Variants in IST1 observed in about 807,000 individuals in gnomAD.
IST1 encodes IST1 homolog.
A neutral mutation model predicts 37.0 loss-of-function variants in IST1; 23 were observed. That is an observed-to-expected ratio of 0.62 (90% CI 0.45 to 0.88). The LOEUF is 0.88. IST1 is among the 40% of genes least tolerant of loss of function. IST1 has a pLI of 0.00. For missense variants in IST1, 488 were observed against 445.4 expected, an observed-to-expected ratio of 1.10 and a Z score of -0.86; for synonymous variants, 180 against 161.7, an observed-to-expected ratio of 1.11 and a Z score of -0.86.
Position 71,920,793 on chromosome 16 carries a change from A to C in IST1, c.412A>C (p.Thr138Pro). 1 of 1,613,692 alleles carries C rather than the reference A, an allele frequency of 6.2e-7. No homozygotes were observed. The highest frequency in any genetic ancestry group is 8.5e-7 in the Non-Finnish European group (1 of 1,179,574). The change falls in exon 5 of 10, where the codon ACC becomes CCC. Residue 138 changes from threonine (T) to proline (P), a missense_variant. Physicochemically the swap from Thr to Pro is conservative, Grantham distance 38 (BLOSUM62 -1). Transcript: ENST00000378799. Reference protein sequence around the residue: ...YSKEYGKLCRTNQIGTVNDRL... With the variant: ...YSKEYGKLCRPNQIGTVNDRL... ...CAAGGAATATGGCAAGCTATGTAGG[A>C]CCAACCAGATTGGAACTGTGAATGA...
intron 1 of IST1, among the ~76,000 whole-genome samples, chr16:71,895,873 C>G (rs1482812898): frequency 6.6e-6 from 1 of 152,240 alleles, no homozygotes; most frequent in Non-Finnish European, 1.5e-5. Flanking sequence ...TAACTTTCCC[C>G]TAGTCTTCCT....
At chr16:71,922,434 G>A (rs2037616580) in intron 6 of IST1, 40 bp from the exon 7 acceptor site, 1 of 1,565,852 alleles carries the variant, frequency 6.4e-7, no homozygotes, top group Admixed American at 1.7e-5. Flanking sequence ...ACCTGGCCTT[G>A]GACATGGGTT....
Position 71,920,796 on chromosome 16 carries a change from A to G in IST1, c.415A>G (p.Asn139Asp). The change falls in exon 5 of 10, where the codon AAC (asparagine) becomes GAC (aspartate). Residue 139 changes from asparagine (N) to aspartate (D), a missense_variant. By Grantham distance (23) the Asn-to-Asp change is conservative (BLOSUM62 1). This residue lies in a region of IST1 where 455 missense variants were observed against 386.2 expected (regional missense o/e 1.18). Transcript: ENST00000378799. The part of the protein sequence containing the change: ...SKEYGKLCRT[N>D]QIGTVNDRLM... ...GGAATATGGCAAGCTATGTAGGACC[A>G]ACCAGATTGGAACTGTGAATGACAG... is the stretch of plus-strand genomic sequence containing the variant. 1 of 1,613,530 alleles carries G rather than the reference A, an allele frequency of 6.2e-7. No homozygotes were observed. Among genetic ancestry groups the G allele is most frequent in the Admixed American group, 1.7e-5 (1 of 60,028 alleles).
intron 1 of IST1, among the ~76,000 whole-genome samples, chr16:71,906,471 C>G (rs1198266089): frequency 1.3e-5 from 2 of 151,544 alleles, no homozygotes; most frequent in African/African-American, 2.4e-5. Context: ...CCACGCCCAG[C>G]TAATTTTTTG....
chr16:71,920,837 T>G lies in IST1; in HGVS notation c.441+15T>G. 6.3e-7 allele frequency: 1 copy of G among 1,579,012 alleles called. No individual in the cohort carries two copies. Among genetic ancestry groups the G allele is most frequent in the Non-Finnish European group, 8.7e-7 (1 of 1,147,936 alleles). ...TGAATGACAGGGTAATGAACATACT[T>G]GGTAAACATGAAGGCAGTGTGTGGG... On this transcript the variant is annotated intron_variant, in intron 5 of 9. Coordinates refer to ENST00000378799, the MANE Select transcript of IST1 (RefSeq NM_001270975.2).
chr16:71,922,076 C>T (rs2037603594), intron 6 of IST1, among the ~76,000 whole-genome samples: 1 of 151,954 alleles, frequency 6.6e-6, no homozygotes, highest in Non-Finnish European at 1.5e-5. Context: ...GGTGGAAGAG[C>T]TTGTGGTGAG....
chr16:71,920,471 TCTATAA>T (rs2037554540), intron 4 of IST1, among the ~76,000 whole-genome samples: 1 of 152,248 alleles, frequency 6.6e-6, no homozygotes, highest in African/African-American at 2.4e-5. Flanking sequence ...AATGTAAGAC[TCTATAA>T]GAGTAAGAAC....
chr16:71,899,361 T>C (rs528846735), intron 1 of IST1, among the ~76,000 whole-genome samples: 6 of 148,666 alleles, frequency 4.0e-5, no homozygotes, highest in Non-Finnish European at 9.0e-5. Context: ...GGAGGATTGC[T>C]GAGCCCAAGA....
chr16:71,922,426 C>A, intron 6 of IST1, 48 bp from the exon 7 acceptor site: 2 of 1,520,284 alleles, frequency 1.3e-6, no homozygotes, highest in Non-Finnish European at 1.8e-6. Flanking sequence ...TCTGGGGAAC[C>A]TGGCCTTGGA....
chr16:71,903,581 AT>A (rs2037156352), intron 1 of IST1: 1 of 152,138 alleles, frequency 6.6e-6, no homozygotes, highest in Non-Finnish European at 1.5e-5. Context: ...TTCTTTAAAA[AT>A]TTAATAGAGA....
Position 71,917,094 on chromosome 16 carries a change from C to T in IST1, c.317C>T (p.Ala106Val), listed in dbSNP as rs1185958270. The T allele has an allele frequency of 2.0e-5, 33 of 1,612,694 alleles. No homozygotes were observed. Among genetic ancestry groups the T allele is most frequent in the Non-Finnish European group, 2.8e-5 (33 of 1,179,262 alleles). The change falls in exon 4 of 10, where the codon GCT becomes GTT. Residue 106 changes from alanine (A) to valine (V), a missense_variant. Ala to Val is a moderately conservative substitution (Grantham distance 64, BLOSUM62 0). This residue lies in a region of IST1 where 455 missense variants were observed against 386.2 expected (regional missense o/e 1.18). Transcript: ENST00000378799. ...LAESVSTLIWAAPRLQSEVAE... is the reference protein window; with the variant it reads ...LAESVSTLIWVAPRLQSEVAE... ...GAATCTGTGTCTACATTGATCTGGGCTGCTCCTCGACTCCAGTCAGAAGTG... is the reference window on the plus strand; with the variant it reads ...GAATCTGTGTCTACATTGATCTGGGTTGCTCCTCGACTCCAGTCAGAAGTG...
At chr16:71,911,358 T>TTA (rs1555509659) in intron 1 of IST1, among the ~76,000 whole-genome samples, 14 of 151,528 alleles carry the variant, frequency 9.2e-5, no homozygotes, top group Non-Finnish European at 1.6e-4. Context: ...TACCTTTTTT[T>TTA]AAAAAAAACT....
chr16:71,916,696 T>A, intron 3 of IST1, 54 bp downstream of exon 3: 2 of 1,450,716 alleles, frequency 1.4e-6, no homozygotes, highest in Non-Finnish European at 9.5e-7. Flanking sequence ...GAGAAAGGAG[T>A]AATATGATCT....
At position 71,927,864 on chromosome 16, in the gene IST1, T is replaced by G; in HGVS notation, c.*51T>G. On this transcript the variant is annotated 3_prime_UTR_variant, in exon 10 of 10. Coordinates refer to ENST00000378799, the MANE Select transcript of IST1 (RefSeq NM_001270975.2). The stretch of plus-strand genomic sequence containing the variant: ...GTTTTGGGAGTTGAGACTGAGCAAT[T>G]TCTCCTTGTAACAAAGAATCTCCAT... 8.0e-7 allele frequency: 1 copy of G among 1,253,312 alleles called. No individual in the cohort carries two copies. The allele number at this position is 1,253,312 out of a possible 1,614,324, so 77.6% of individuals were successfully genotyped here. A position where few individuals can be genotyped will look rare whatever the true frequency, so the allele number is the denominator to read the frequency against.
rs1390949750 is a variant in IST1, at chr16:71,930,196, T to C, written c.*2383T>C. 2.6e-6 allele frequency: 4 copies of C among 1,537,976 alleles called. No homozygotes were observed. Among genetic ancestry groups the C allele is most frequent in the Non-Finnish European group, 3.5e-6 (4 of 1,141,566 alleles). On this transcript the variant is annotated 3_prime_UTR_variant, in exon 10 of 10. Transcript: ENST00000378799. ...CTAAAGCGAAAACCTGGGAAAACAA[T>C]AAGAACACTTGCAGTGACTGACAAT...
chr16:71,894,774 G>T, upstream of IST1: 1 of 1,300,274 alleles, frequency 7.7e-7, no homozygotes, highest in South Asian at 1.3e-5. Context: ...GGGCTCAAGC[G>T]ATCCTCCCGC....
intron 1 of IST1, among the ~76,000 whole-genome samples, chr16:71,897,865 C>A (rs2037010901): frequency 6.6e-6 from 1 of 152,080 alleles, no homozygotes; most frequent in Non-Finnish European, 1.5e-5. Context: ...GAATTGCTTG[C>A]TCGAACCCGA....
chr16:71,915,792 C>T, intron 2 of IST1, 64 bp downstream of exon 2: 1 of 971,424 alleles, frequency 1.0e-6, no homozygotes, highest in Non-Finnish European at 1.6e-6. Context: ...AGTAATGGGT[C>T]TTTCAGGCCA....
chr16:71,916,740 A>G lies in IST1; in HGVS notation c.269+98A>G, dbSNP rs1425722563. 6 of 1,014,604 alleles carry G rather than the reference A, an allele frequency of 5.9e-6. No individual in the cohort carries two copies. The African/African-American group carries it at 8.0e-5, about 14-fold the overall frequency. 62.9% of individuals were successfully genotyped at this position (1,014,604 alleles called of 1,614,324 possible). On this transcript the variant is annotated intron_variant, in intron 3 of 9. Transcript: ENST00000378799. ...ATTAAGGGACTATTTCACATGCCCA[A>G]GGATCTGCTGCCTAACAGTTGCTGA...
Sources: allele counts gnomAD v4.1 joint callset (sites outside exome capture counted in the v4.1 genomes callset), GRCh38; gene constraint gnomAD v4.1.1; regional missense constraint gnomAD v4.1.1; transcripts MANE v1.5; gene names NCBI Gene and HGNC (gene_info 2026-07-23, HGNC 2026-07-21).